The following ADGRG4 variants were observed in gnomAD, a reference collection of about 807,000 sequenced individuals.
The protein encoded by ADGRG4 is G protein-coupled receptor 112.
A neutral mutation model predicts 126.2 loss-of-function variants in ADGRG4; 122 were observed. That is an observed-to-expected ratio of 0.97 (90% CI 0.83 to 1.12). ADGRG4 has a LOEUF of 1.12. Ranked by LOEUF, ADGRG4 falls within the 50% of genes most tolerant of loss-of-function variation. The probability of loss-of-function intolerance (pLI) is 0.00; values close to 1 mark genes in which losing one functional copy is unlikely to be tolerated. For synonymous variants in ADGRG4, 943 were observed against 838.7 expected, an observed-to-expected ratio of 1.12 and a Z score of -2.15; for missense variants, 2,481 against 2,251.8, an observed-to-expected ratio of 1.10 and a Z score of -2.06.
intron 5 of ADGRG4, among the ~76,000 whole-genome samples, chrX:136,326,974 G>T (rs988505099): frequency 1.8e-5 from 2 of 110,462 alleles, no homozygotes; most frequent in African/African-American, 6.6e-5. Flanking sequence ...TAATAAACAA[G>T]TATTCACTAT....
intron 13 of ADGRG4, among the ~76,000 whole-genome samples, chrX:136,369,875 T>C (rs983301654): frequency 3.6e-5 from 4 of 111,692 alleles, no homozygotes; most frequent in Admixed American, 1.9e-4. Context: ...GTTGGACAAA[T>C]TGGGGTAATG....
chrX:136,353,313 C>T (rs962886408), intron 7 of ADGRG4, 24 bp from the exon 8 acceptor site: 26 of 1,078,604 alleles, frequency 2.4e-5, no homozygotes, highest in Non-Finnish European at 3.3e-5. Flanking sequence ...AATACTAAAA[C>T]TGATTTTTTT....
At chrX:136,324,986 C>A (rs778277682) in intron 5 of ADGRG4, among the ~76,000 whole-genome samples, 1 of 111,871 alleles carries the variant, frequency 8.9e-6, no homozygotes, top group Non-Finnish European at 1.9e-5. Context: ...TGTCTCCTCT[C>A]GAGTTTGGGG....
At chrX:136,372,407 C>T (rs1414330571) in intron 14 of ADGRG4, among the ~76,000 whole-genome samples, 1 of 111,804 alleles carries the variant, frequency 8.9e-6, no homozygotes, top group Non-Finnish European at 1.9e-5. Flanking sequence ...AATGGTCTCT[C>T]TGCCTCCGTT....
At chrX:136,315,010 A>G (rs958655810) in intron 4 of ADGRG4, among the ~76,000 whole-genome samples, 2 of 111,622 alleles carry the variant, frequency 1.8e-5, no homozygotes, top group African/African-American at 6.5e-5. Flanking sequence ...GCAGGCCACA[A>G]ATGGAGTCAG....
Position 136,416,435 on chromosome X carries a change from C to T in ADGRG4, c.9206-19C>T. 1 of 1,189,232 alleles carries T rather than the reference C, an allele frequency of 8.4e-7. No individual in the cohort carries two copies. On this transcript the variant is annotated intron_variant, in intron 25 of 25. Coordinates refer to ENST00000394143, the MANE Select transcript of ADGRG4 (RefSeq NM_153834.4). The stretch of plus-strand genomic sequence containing the variant: ...CCCTGATGCCGCAGCTGAAAATTTT[C>T]TTTTTTTCTTTACTGCAGATGACTT...
At chrX:136,412,092 T>G (rs1253896070) in intron 23 of ADGRG4, among the ~76,000 whole-genome samples, 173 bp from the exon 24 acceptor site, 1 of 112,371 alleles carries the variant, frequency 8.9e-6, no homozygotes, top group Admixed American at 9.4e-5. Context: ...AGTCTTGATA[T>G]AGACATTTTT....
Position 136,376,627 on chromosome X carries a change from G to GGTATTGTATTTTATTGTATT in ADGRG4, c.7776+3573_7776+3574insTTATTGTATTGTATTGTATT, listed in dbSNP as rs1556015977. On this transcript the variant is annotated intron_variant, in intron 15 of 25. Transcript: ENST00000394143. ...ACCTCCTTGATTAAGTATATTCCTG[G>GGTATTGTATTTTATTGTATT]GTATTGTATTGTATTGTATTGTATT... is the stretch of plus-strand genomic sequence containing the variant. 2.7e-3 allele frequency among the ~76,000 whole-genome samples: 230 copies of GGTATTGTATTTTATTGTATT among 86,184 alleles called. 2 individuals are homozygous for GGTATTGTATTTTATTGTATT. Among genetic ancestry groups the GGTATTGTATTTTATTGTATT allele is most frequent in the African/African-American group, 9.5e-3 (201 of 21,068 alleles). The allele number at this position is 86,184 out of a possible 115,157, so 74.8% of individuals were successfully genotyped here. A position where few individuals can be genotyped will look rare whatever the true frequency, so the allele number is the denominator to read the frequency against.
Position 136,345,728 on chromosome X carries a change from C to T in ADGRG4, c.2022C>T (p.Leu674=), listed in dbSNP as rs374256351. The T allele has an allele frequency of 4.4e-4, 537 of 1,209,672 alleles. No individual in the cohort carries two copies. The highest frequency in any genetic ancestry group is 4.7e-4 in the Non-Finnish European group (417 of 894,993). ...LLASMNTTTI[L]TFVPNENFTS... ...CATCTATGAACACAACCACCATACT[C>T]ACATTTGTGCCTAATGAAAATTTTA... The change falls in exon 6 of 26, where the codon CTC becomes CTT. Residue 674 remains leucine (L), a synonymous_variant. Coordinates refer to ENST00000394143, the MANE Select transcript of ADGRG4 (RefSeq NM_153834.4).
Position 136,322,794 on chromosome X carries a change from A to G in ADGRG4, c.87A>G (p.Lys29=), listed in dbSNP as rs775478166. The G allele has an allele frequency of 1.6e-5, 19 of 1,185,251 alleles. No individual in the cohort carries two copies. In the East Asian group the frequency reaches 5.7e-4, roughly 35 times the overall value. The change falls in exon 5 of 26, where the codon AAA becomes AAG. Residue 29 remains lysine, a synonymous_variant. Coordinates refer to ENST00000394143, the MANE Select transcript of ADGRG4 (RefSeq NM_153834.4). The part of the protein sequence containing the change: ...FIFLSDTLSL[K]GKKLDFFGRG... ...TTTGGACAGATACACTTTCACTAAA[A>G]GGAAAAAAGCTGGATTTTTTTGGAA...
In ADGRG4 at chrX:136,345,845, T is replaced by A; in HGVS notation, c.2139T>A (p.Gly713=). ...TPLKASPEGK[G]TTANDATTAR... ...TGAAAGCATCTCCAGAGGGCAAAGG[T>A]ACCACTGCCAATGATGCTACTACAG... Residue 713 remains glycine (G), a synonymous_variant, in exon 6 of 26, where the codon GGT becomes GGA. Coordinates refer to ENST00000394143, the MANE Select transcript of ADGRG4 (RefSeq NM_153834.4). 1 of 1,211,212 alleles carries A rather than the reference T, an allele frequency of 8.3e-7. No homozygotes were observed. Among genetic ancestry groups the A allele is most frequent in the Non-Finnish European group, 1.1e-6 (1 of 895,095 alleles).
chrX:136,364,025 G>T (rs1289630673), intron 13 of ADGRG4, among the ~76,000 whole-genome samples: 1 of 110,139 alleles, frequency 9.1e-6, no homozygotes, highest in Non-Finnish European at 1.9e-5. Flanking sequence ...TGGCCAGGCT[G>T]GTCTCAAACT....
Position 136,390,031 on chromosome X carries a change from C to A in ADGRG4, c.7911+2157C>A, listed in dbSNP as rs750272231. 1.4e-3 allele frequency among the ~76,000 whole-genome samples: 158 copies of A among 111,728 alleles called. 1 individual carries two copies. Among genetic ancestry groups the A allele is most frequent in the Non-Finnish European group, 2.5e-3 (134 of 53,117 alleles). ...AATCTTAAGTCATTATGACACATAA[C>A]CTTAGAAATTTGTTTGTTTGTTTGT... On this transcript the variant is annotated intron_variant, in intron 16 of 25. Coordinates refer to ENST00000394143, the MANE Select transcript of ADGRG4 (RefSeq NM_153834.4).
intron 4 of ADGRG4, among the ~76,000 whole-genome samples, chrX:136,309,824 T>C (rs2074756611): frequency 8.9e-6 from 1 of 112,259 alleles, no homozygotes; most frequent in African/African-American, 3.2e-5. Flanking sequence ...GGCAAGAAAC[T>C]GTATTTTCCC....
At chrX:136,386,182 A>G (rs974197194) in intron 15 of ADGRG4, among the ~76,000 whole-genome samples, 4 of 112,363 alleles carry the variant, frequency 3.6e-5, no homozygotes, top group African/African-American at 1.3e-4. Context: ...AGTGCCTTCA[A>G]GTCGTTGTTA....
chrX:136,356,270 G>T, intron 9 of ADGRG4, 105 bp downstream of exon 9: 1 of 496,142 alleles, frequency 2.0e-6, no homozygotes, highest in Non-Finnish European at 3.2e-6. Flanking sequence ...GCGAGGCTTT[G>T]TTGTGGCAAT....
At chrX:136,412,457 A>G in intron 24 of ADGRG4, 91 bp downstream of exon 24, 2 of 561,964 alleles carry the variant, frequency 3.6e-6, no homozygotes, top group Admixed American at 2.7e-5. Flanking sequence ...TACTTACAGC[A>G]TATCAGCATC....
intron 5 of ADGRG4, among the ~76,000 whole-genome samples, chrX:136,337,895 T>C (rs2074956708): frequency 8.9e-6 from 1 of 111,761 alleles, no homozygotes; most frequent in African/African-American, 3.3e-5. Context: ...TAATATACAT[T>C]CAGCCCCACT....
chrX:136,349,334 A>G lies in ADGRG4; in HGVS notation c.5628A>G (p.Gln1876=), dbSNP rs766437472. The change falls in exon 6 of 26, where the codon CAA becomes CAG. Residue 1876 remains glutamine (Q), a synonymous_variant. Coordinates refer to ENST00000394143, the MANE Select transcript of ADGRG4 (RefSeq NM_153834.4). ...CAAGAATGACATCTAGTAATACCCA[A>G]CCTCTGCTTATGACTTCCTGGAACA... ...LGTRMTSSNT[Q]PLLMTSWNIP... 2.5e-6 allele frequency: 3 copies of G among 1,207,247 alleles called. No individual in the cohort carries two copies. In the African/African-American group the frequency reaches 5.3e-5, roughly 21 times the overall value.
Sources: allele counts gnomAD v4.1 joint callset (sites outside exome capture counted in the v4.1 genomes callset), GRCh38; gene constraint gnomAD v4.1.1; transcripts MANE v1.5; gene names NCBI Gene and HGNC (gene_info 2026-07-23, HGNC 2026-07-21).